The following CCDC171 variants were observed in gnomAD, a reference collection of about 807,000 sequenced individuals.
The protein encoded by CCDC171 is coiled-coil domain containing 171, also known as coiled-coil domain-containing protein 171.
Under a neutral mutation model 168.2 loss-of-function variants are expected in CCDC171, and 177 were observed. That is an observed-to-expected ratio of 1.05 (90% CI 0.93 to 1.19). CCDC171 has a LOEUF of 1.19. CCDC171 is among the 50% of genes most tolerant of loss of function. The pLI is 0.00. For missense variants in CCDC171, 1,991 were observed against 1,539.0 expected (o/e 1.29, Z -4.91); for synonymous variants, 687 against 540.8 (o/e 1.27, Z -3.75).
chr9:15,915,477 A>G (rs1214670478), intron 24 of CCDC171, among the ~76,000 whole-genome samples: 1 of 152,118 alleles, frequency 6.6e-6, no homozygotes, highest in Non-Finnish European at 1.5e-5. Flanking sequence ...TTGCATCCTG[A>G]AACTTTACTG....
chr9:15,982,965 T>A (rs558709282), intron 3 of CCDC171, among the ~76,000 whole-genome samples: 1 of 152,188 alleles, frequency 6.6e-6, no homozygotes, highest in East Asian at 1.9e-4. Context: ...ACTCAAATAT[T>A]AACATCCATT....
At chr9:15,584,657 A>G (rs967815394) in intron 4 of CCDC171, among the ~76,000 whole-genome samples, 4 of 152,148 alleles carry the variant, frequency 2.6e-5, no homozygotes, top group African/African-American at 4.8e-5. Context: ...TTGGGGAGAA[A>G]GAAGGGTAGA....
Position 15,914,898 on chromosome 9 carries a change from G to C in CCDC171, c.3601-5372G>C, listed in dbSNP as rs556272087. The stretch of plus-strand genomic sequence containing the variant: ...CTCATGGCTTCCCTTGGTTTGGAGA[G>C]GGAGTTCCCTGACCCCTTGTGCTTC... On this transcript the variant is annotated intron_variant, in intron 24 of 25. Coordinates refer to ENST00000380701, the MANE Select transcript of CCDC171 (RefSeq NM_173550.4). 2.0e-5 allele frequency among the ~76,000 whole-genome samples: 3 copies of C among 152,202 alleles called. No homozygotes were observed. The East Asian group carries it at 5.8e-4, about 29-fold the overall frequency.
chr9:15,851,365 G>C (rs2061119527), intron 23 of CCDC171, among the ~76,000 whole-genome samples: 1 of 151,418 alleles, frequency 6.6e-6, no homozygotes, highest in South Asian at 2.1e-4. Flanking sequence ...ATTTCATTTA[G>C]ATATATATTT....
intron 21 of CCDC171, among the ~76,000 whole-genome samples, chr9:15,793,607 T>TG (rs2058396203): frequency 7.7e-6 from 1 of 130,444 alleles, no homozygotes; most frequent in Admixed American, 8.7e-5. Flanking sequence ...CTCTTCCCAG[T>TG]GGCTGGATCT....
intron 24 of CCDC171, among the ~76,000 whole-genome samples, chr9:15,907,800 A>G (rs946055372): frequency 1.3e-5 from 2 of 152,238 alleles, no homozygotes; most frequent in Admixed American, 6.5e-5. Context: ...ATGAACTCCA[A>G]CAAATTTATA....
rs143969430 is a variant in CCDC171 at position 15,603,414 on chromosome 9, C to T, written c.675+9242C>T. ...TAATGCTCTCCCTCCCTTCACTCCA[C>T]CCTTGACAGGCCCCAGTGTGTGTTG... On this transcript the variant is annotated intron_variant, in intron 6 of 25. Transcript: ENST00000380701. 1.6e-3 allele frequency among the ~76,000 whole-genome samples: 248 copies of T among 152,266 alleles called. 1 individual carries two copies. The highest frequency in any genetic ancestry group is 3.3e-3 in the Admixed American group (50 of 15,282).
Position 15,605,515 on chromosome 9 carries a change from T to TAAA in CCDC171, c.675+11363_675+11365dup, listed in dbSNP as rs71325923. Among the ~76,000 whole-genome samples the TAAA allele has an allele frequency of 3.0e-3, 298 of 99,106 alleles. 4 individuals carry two copies. Among genetic ancestry groups the TAAA allele is most frequent in the African/African-American group, 0.011 (281 of 24,540 alleles). 65.0% of individuals were successfully genotyped at this position (99,106 alleles called of 152,430 possible). A position where few individuals can be genotyped will look rare whatever the true frequency, so the allele number is the denominator to read the frequency against. ...CAACACTGTGAAACCCTGTCTCTAC[T>TAAA]AAAAAAAAAAAAAAAAAAAAAATTA... On this transcript the variant is annotated intron_variant, in intron 6 of 25. Transcript: ENST00000380701.
chr9:16,081,261 A>G, the CCDC171 span, among the ~76,000 whole-genome samples: 19,129 of 152,176 alleles, frequency 0.13, 1,287 homozygotes, highest in Middle Eastern at 0.15. Context: ...CTTATACCCA[A>G]TGCAGCCCAA....
At chr9:16,026,562 A>G (rs1387035717) in intron 6 of CCDC171, among the ~76,000 whole-genome samples, 1 of 152,132 alleles carries the variant, frequency 6.6e-6, no homozygotes, top group African/African-American at 2.4e-5. Flanking sequence ...TCAATACGGA[A>G]CTTGTGAATT....
chr9:15,683,663 T>C (rs1443517646), intron 10 of CCDC171, among the ~76,000 whole-genome samples: 1 of 152,074 alleles, frequency 6.6e-6, no homozygotes, highest in African/African-American at 2.4e-5. Flanking sequence ...TTCCTAAATT[T>C]ATGGTATAGG....
At chr9:15,733,175 C>T (rs1424871291) in intron 16 of CCDC171, among the ~76,000 whole-genome samples, 2 of 151,986 alleles carry the variant, frequency 1.3e-5, no homozygotes, top group African/African-American at 4.8e-5. Flanking sequence ...GTTTTCTTAT[C>T]GTCAAATTTT....
the CCDC171 span, among the ~76,000 whole-genome samples, chr9:16,107,677 CA>C: frequency 6.6e-6 from 1 of 152,006 alleles, no homozygotes; most frequent in African/African-American, 2.4e-5. Context: ...GAGTAAGTTG[CA>C]AAAACATGTC....
chr9:15,744,181 G>A (rs1588248928), intron 16 of CCDC171, 92 bp from the exon 17 acceptor site: 1 of 1,013,696 alleles, frequency 9.9e-7, no homozygotes, highest in African/African-American at 1.6e-5. Context: ...AGAAGTGGTT[G>A]TCAGCAAAAG....
At chr9:15,982,408 T>G (rs1831828146) in intron 3 of CCDC171, among the ~76,000 whole-genome samples, 1 of 152,114 alleles carries the variant, frequency 6.6e-6, no homozygotes, top group South Asian at 2.1e-4. Flanking sequence ...TGAGCTCTTG[T>G]AAGCATTACG....
intron 3 of CCDC171, among the ~76,000 whole-genome samples, chr9:15,996,604 A>G (rs1000353207): frequency 6.6e-6 from 1 of 151,742 alleles, no homozygotes; most frequent in Non-Finnish European, 1.5e-5. Context: ...TGGATTAGGA[A>G]TGCTCAACTA....
At chr9:15,957,438 T>A (rs1024841520) in intron 25 of CCDC171, among the ~76,000 whole-genome samples, 4 of 152,200 alleles carry the variant, frequency 2.6e-5, no homozygotes, top group African/African-American at 9.6e-5. Flanking sequence ...TTCTCCCTCA[T>A]TGAATCCAAG....
chr9:16,023,935 G>A (rs969378419), intron 6 of CCDC171, among the ~76,000 whole-genome samples: 4 of 147,874 alleles, frequency 2.7e-5, no homozygotes, highest in Non-Finnish European at 5.9e-5. Flanking sequence ...TTGACATGGG[G>A]AGATTATCCT....
At chr9:15,873,670 G>A (rs1384008421) in intron 23 of CCDC171, among the ~76,000 whole-genome samples, 1 of 151,954 alleles carries the variant, frequency 6.6e-6, no homozygotes, top group Non-Finnish European at 1.5e-5. Context: ...GAATTCTTAA[G>A]GCTTTTACTA....
Sources: allele counts gnomAD v4.1 joint callset (sites outside exome capture counted in the v4.1 genomes callset), GRCh38; gene constraint gnomAD v4.1.1; transcripts MANE v1.5; gene names NCBI Gene and HGNC (gene_info 2026-07-23, HGNC 2026-07-21).